SNX19: variants seen among roughly 807,000 people sequenced by gnomAD.
SNX19 encodes the protein sorting nexin 19, also known as sorting nexin-19.
SNX19 carries 60 observed loss-of-function variants against 85.2 expected under a neutral mutation model. The observed-to-expected ratio is 0.70, with a 90% CI of 0.57 to 0.87. The LOEUF (loss-of-function observed/expected upper bound fraction) is 0.87. SNX19 is among the 40% of genes least tolerant of loss of function. The pLI is 0.00. For missense variants in SNX19, 1,201 were observed against 1,217.8 expected, an observed-to-expected ratio of 0.99 and a Z score of 0.21; for synonymous variants, 520 against 470.0, an observed-to-expected ratio of 1.11 and a Z score of -1.38.
At chr11:130,895,906 G>C (rs1030915309) in intron 8 of SNX19, among the ~76,000 whole-genome samples, 2 of 152,194 alleles carry the variant, frequency 1.3e-5, no homozygotes, top group African/African-American at 2.4e-5. Context: ...TCATATGACA[G>C]GGGAAACTGC....
In SNX19 at chr11:130,868,375, C is replaced by T. The variant is rs539379910; in HGVS notation, c.*10047G>A. The T allele has an allele frequency of 7.2e-5, 11 of 152,286 alleles. No individual in the cohort carries two copies. Among genetic ancestry groups the T allele is most frequent in the Admixed American group, 5.2e-4 (8 of 15,292 alleles). 9.4% of individuals were successfully genotyped at this position (152,286 alleles called of 1,614,324 possible). On this transcript the variant is annotated 3_prime_UTR_variant, in exon 11 of 11. Coordinates refer to ENST00000265909, the MANE Select transcript of SNX19 (RefSeq NM_014758.3). The stretch of plus-strand genomic sequence containing the variant: ...AAAAAAAAGCAACACCCTTCTTGAG[C>T]CCGTAATTTATCAGATTTTTTTTCC...
intron 8 of SNX19, among the ~76,000 whole-genome samples, chr11:130,892,307 T>C (rs1944556866): frequency 6.6e-6 from 1 of 152,008 alleles, no homozygotes; most frequent in Non-Finnish European, 1.5e-5. Flanking sequence ...ACAGACAGGT[T>C]TGAACCTGGC....
At chr11:130,883,852 A>G (rs1395367389) in intron 8 of SNX19, among the ~76,000 whole-genome samples, 1 of 152,228 alleles carries the variant, frequency 6.6e-6, no homozygotes, top group Non-Finnish European at 1.5e-5. Flanking sequence ...AAAACATGAT[A>G]AAGAGCAAAC....
rs757940734 is a variant in SNX19, at chr11:130,911,707, T to C, written c.1739A>G (p.Asn580Ser). ...ATTCAAGAACTCCCGATAGCGACGA[T>C]TCACAGTGTGGTAGGCCAGCTGCTG... ...GLQQLAYHTV[N>S]RRYREFLNLQ... Residue 580 changes from asparagine to serine, a missense_variant, in exon 2 of 11, where the codon AAT becomes AGT. Physicochemically the swap from Asn to Ser is conservative, Grantham distance 46 (BLOSUM62 1). Around this residue, in one of 3 missense-constraint regions of SNX19, gnomAD observed 791 missense variants for 750.9 expected, o/e 1.05. Coordinates refer to ENST00000265909, the MANE Select transcript of SNX19 (RefSeq NM_014758.3). 2.5e-6 allele frequency: 4 copies of C among 1,614,198 alleles called. No individual in the cohort carries two copies. The highest frequency in any genetic ancestry group is 2.2e-5 in the East Asian group (1 of 44,888).
chr11:130,880,747 A>G lies in SNX19; in HGVS notation c.2633T>C (p.Leu878Pro). Reference protein sequence around the residue: ...TSPQRWVQYLLLLQESIWPGG... With the variant: ...TSPQRWVQYLPLLQESIWPGG... Reference sequence around the variant, plus strand: ...AGGCCAGATGGACTCCTGAAGAAGCAGGAGGTACTGCACCCAGCGCTGTGG... The same window carrying G: ...AGGCCAGATGGACTCCTGAAGAAGCGGGAGGTACTGCACCCAGCGCTGTGG... Residue 878 changes from leucine to proline, a missense_variant, in exon 9 of 11, where the codon CTG becomes CCG. This residue lies in a region of SNX19 where 285 missense variants were observed against 295.3 expected (regional missense o/e 0.97). Transcript: ENST00000265909. 5 of 1,609,402 alleles carry G rather than the reference A, an allele frequency of 3.1e-6. No individual in the cohort carries two copies. Among genetic ancestry groups the G allele is most frequent in the Non-Finnish European group, 4.2e-6 (5 of 1,176,524 alleles).
At chr11:130,893,614 C>T in intron 8 of SNX19, 1 of 592,176 alleles carries the variant, frequency 1.7e-6, no homozygotes, top group South Asian at 2.1e-5. Flanking sequence ...GACGTAGGGA[C>T]ACCGAAGTGG....
At position 130,873,173 on chromosome 11, in the gene SNX19, G is replaced by A. The variant is rs758240541; in HGVS notation, c.*5249C>T. Among the ~76,000 whole-genome samples, 9 of 152,136 alleles carry A rather than the reference G, an allele frequency of 5.9e-5. No individual in the cohort carries two copies. The highest frequency in any genetic ancestry group is 1.3e-4 in the Non-Finnish European group (9 of 68,022). On this transcript the variant is annotated 3_prime_UTR_variant, in exon 11 of 11. Coordinates refer to ENST00000265909, the MANE Select transcript of SNX19 (RefSeq NM_014758.3). ...AAGCAGTATTCTAACTCACTAGACCGCAGGTCCACAAACTGACTCATGGGA... is the reference window on the plus strand; with the variant it reads ...AAGCAGTATTCTAACTCACTAGACCACAGGTCCACAAACTGACTCATGGGA...
Position 130,871,161 on chromosome 11 carries a change from A to AT in SNX19, c.*7260dup, listed in dbSNP as rs1365392312. On this transcript the variant is annotated 3_prime_UTR_variant, in exon 11 of 11. Transcript: ENST00000265909. ...TTTGGGCAGAATAAAAAATCCCTAGATTTTTTTGGAAGTTTCTCGTCTAAC... is the reference window on the plus strand; with the variant it reads ...TTTGGGCAGAATAAAAAATCCCTAGATTTTTTTTGGAAGTTTCTCGTCTAAC... 6.6e-6 allele frequency among the ~76,000 whole-genome samples: 1 copy of AT among 152,090 alleles called. No individual in the cohort carries two copies. The highest frequency in any genetic ancestry group is 1.5e-5 in the Non-Finnish European group (1 of 68,014).
In SNX19 at chr11:130,878,439, T is replaced by A. The variant is rs1227045654; in HGVS notation, c.2962A>T (p.Met988Leu). ...ASDTPGNSKR[M>L]GVSS Reference sequence around the variant, plus strand: ...ATAACCAGCTAAGAGGAGACACCCATCCTCTTAGAGTTGCCTGGGGTATCT... The same window carrying A: ...ATAACCAGCTAAGAGGAGACACCCAACCTCTTAGAGTTGCCTGGGGTATCT... The change falls in exon 11 of 11, where the codon ATG becomes TTG. Residue 988 changes from methionine to leucine, a missense_variant. Met to Leu is a conservative substitution (Grantham distance 15). Around this residue, in one of 3 missense-constraint regions of SNX19, gnomAD observed 285 missense variants for 295.3 expected, o/e 0.97. Coordinates refer to ENST00000265909, the MANE Select transcript of SNX19 (RefSeq NM_014758.3). 1.9e-6 allele frequency: 3 copies of A among 1,613,714 alleles called. No homozygotes were observed. In the South Asian group the frequency reaches 3.3e-5, roughly 18 times the overall value.
chr11:130,889,935 A>G (rs1944382111), intron 8 of SNX19, among the ~76,000 whole-genome samples: 1 of 152,184 alleles, frequency 6.6e-6, no homozygotes, highest in South Asian at 2.1e-4. Flanking sequence ...AAAAAGTTGA[A>G]AATATAATCT....
chr11:130,885,383 G>C (rs931162158), intron 8 of SNX19, among the ~76,000 whole-genome samples: 3 of 152,226 alleles, frequency 2.0e-5, no homozygotes, highest in African/African-American at 7.2e-5. Context: ...AAAGGAGACA[G>C]TTTAATACTA....
Position 130,915,516 on chromosome 11 carries a change from G to T in SNX19, c.424C>A (p.Leu142Ile), listed in dbSNP as rs773077181. The T allele has an allele frequency of 3.1e-6, 5 of 1,614,122 alleles. No individual in the cohort carries two copies. Among genetic ancestry groups the T allele is most frequent in the African/African-American group, 1.3e-5 (1 of 74,946 alleles). The change falls in exon 1 of 11, where the codon CTT (leucine) becomes ATT (isoleucine). Residue 142 changes from leucine (L) to isoleucine (I), a missense_variant. By Grantham distance (5) the Leu-to-Ile change is conservative. This residue lies in a region of SNX19 where 791 missense variants were observed against 750.9 expected (regional missense o/e 1.05). Transcript: ENST00000265909. ...TCCATCACGCTCATCCTTCTCCGAA[G>T]CTCCTGGACCAACCCTTTCATGGCT... ...EAAMKGLVQE[L>I]RRRMSVMDSH... is the part of the protein sequence containing the mutation.
chr11:130,893,712 A>AC, intron 8 of SNX19: 1 of 677,106 alleles, frequency 1.5e-6, no homozygotes. Context: ...AACTGGAAAA[A>AC]CAACAAAAAG....
At chr11:130,882,540 G>A (rs1173464480) in intron 8 of SNX19, among the ~76,000 whole-genome samples, 1 of 152,196 alleles carries the variant, frequency 6.6e-6, no homozygotes, top group Non-Finnish European at 1.5e-5. Flanking sequence ...GGCAGCCATC[G>A]ATGGAGATCA....
intron 8 of SNX19, 54 bp downstream of exon 8, chr11:130,903,201 C>T: frequency 6.2e-7 from 1 of 1,608,146 alleles, no homozygotes; most frequent in Non-Finnish European, 8.5e-7. Context: ...AGCATCACAT[C>T]CACCTTCTCT....
At chr11:130,879,247 T>C (rs1480236691) in intron 10 of SNX19, among the ~76,000 whole-genome samples, 3 of 152,142 alleles carry the variant, frequency 2.0e-5, no homozygotes, top group Admixed American at 6.5e-5. Flanking sequence ...CAGGCCAGGG[T>C]ACGCTCTTGG....
rs1036977046 is a variant in SNX19, at chr11:130,894,754, G to T, written c.2573+8501C>A. On this transcript the variant is annotated intron_variant, in intron 8 of 10. Transcript: ENST00000265909. ...GTTGCTTTTTATTTGAAAGTAGAAT[G>T]CCCCTCCTCCTGTTTTAAAAATGTC... The T allele has an allele frequency of 4.1e-6, 4 of 985,274 alleles. No homozygotes were observed. In the African/African-American group the frequency reaches 7.0e-5, roughly 17 times the overall value. The allele number at this position is 985,274 out of a possible 1,614,324, so 61.0% of individuals were successfully genotyped here. A position where few individuals can be genotyped will look rare whatever the true frequency, so the allele number is the denominator to read the frequency against.
At chr11:130,888,572 G>T (rs1049216866) in intron 8 of SNX19, among the ~76,000 whole-genome samples, 1 of 152,128 alleles carries the variant, frequency 6.6e-6, no homozygotes, top group African/African-American at 2.4e-5. Context: ...ACCCATAATG[G>T]TTTCTAGGGT....
intron 5 of SNX19, 46 bp from the exon 6 acceptor site, chr11:130,906,767 T>C (rs778925738): frequency 2.2e-5 from 29 of 1,328,894 alleles, no homozygotes; most frequent in Non-Finnish European, 3.0e-5. Context: ...TTTATGGCCT[T>C]GAGCCTCACA....
Sources: gnomAD v4.1 joint callset for allele counts (sites outside exome capture counted in the v4.1 genomes callset) on GRCh38, gnomAD v4.1.1 for gene constraint, gnomAD v4.1.1 regional missense constraint, MANE v1.5 for transcripts, NCBI Gene and HGNC (gene_info 2026-07-23, HGNC 2026-07-21) for gene names.